The following DGKB variants were observed in gnomAD, a reference collection of about 807,000 sequenced individuals.
DGKB encodes 90 kDa diacylglycerol kinase.
A neutral mutation model predicts 114.3 loss-of-function variants in DGKB; 67 were observed. That is an observed-to-expected ratio of 0.59 (90% CI 0.48 to 0.72). DGKB has a LOEUF of 0.72. DGKB is among the 30% of genes least tolerant of loss of function. DGKB has a pLI of 0.00. For missense variants in DGKB, 907 were observed against 975.2 expected (o/e 0.93, Z 0.93); for synonymous variants, 398 against 323.1 (o/e 1.23, Z -2.49).
At chr7:14,312,263 C>T (rs1014809461) in intron 23 of DGKB, among the ~76,000 whole-genome samples, 4 of 152,184 alleles carry the variant, frequency 2.6e-5, no homozygotes, top group African/African-American at 9.7e-5. Flanking sequence ...TCCATTATAT[C>T]AGCAGTTCTG....
At chr7:14,918,821 T>C (rs780707106) in intron 1 of DGKB, among the ~76,000 whole-genome samples, 1 of 151,936 alleles carries the variant, frequency 6.6e-6, no homozygotes, top group African/African-American at 2.4e-5. Context: ...TCCCAGCACT[T>C]TGGGAGGCCG....
chr7:14,625,308 C>T (rs575224755), intron 14 of DGKB, among the ~76,000 whole-genome samples: 7 of 152,126 alleles, frequency 4.6e-5, no homozygotes, highest in Admixed American at 3.9e-4. Flanking sequence ...AACAGGAGAG[C>T]CTCATCACTA....
intron 23 of DGKB, among the ~76,000 whole-genome samples, chr7:14,316,348 G>T (rs1181875042): frequency 7.4e-6 from 1 of 134,950 alleles, no homozygotes; most frequent in Non-Finnish European, 1.6e-5. Flanking sequence ...TCCAGGAGCT[G>T]GTTTTTTGAA....
intron 1 of DGKB, among the ~76,000 whole-genome samples, chr7:14,871,345 G>A (rs900806476): frequency 6.6e-6 from 1 of 152,116 alleles, no homozygotes; most frequent in Non-Finnish European, 1.5e-5. Context: ...TAGGTCACCA[G>A]AACTCATTCC....
chr7:14,873,375 G>C (rs1443303722), intron 1 of DGKB, among the ~76,000 whole-genome samples: 1 of 151,924 alleles, frequency 6.6e-6, no homozygotes, highest in Non-Finnish European at 1.5e-5. Context: ...CTGTTTAATA[G>C]TACCATAACT....
At chr7:14,280,490 G>C (rs1799772822) in intron 23 of DGKB, among the ~76,000 whole-genome samples, 1 of 149,362 alleles carries the variant, frequency 6.7e-6, no homozygotes, top group Non-Finnish European at 1.5e-5. Flanking sequence ...CCAACATTCA[G>C]ATTCAGGAAA....
intron 23 of DGKB, among the ~76,000 whole-genome samples, chr7:14,325,965 A>G (rs1808634600): frequency 1.3e-5 from 2 of 152,124 alleles, no homozygotes; most frequent in Non-Finnish European, 2.9e-5. Context: ...AAATGTATTG[A>G]GCTGTAAAAA....
At chr7:14,780,916 A>G (rs1838990428) in intron 2 of DGKB, among the ~76,000 whole-genome samples, 1 of 152,206 alleles carries the variant, frequency 6.6e-6, no homozygotes, top group African/African-American at 2.4e-5. Context: ...AATAATACAT[A>G]GAAATGCATT....
intron 1 of DGKB, among the ~76,000 whole-genome samples, chr7:14,953,235 G>T (rs775939737): frequency 6.6e-6 from 1 of 151,974 alleles, no homozygotes; most frequent in Non-Finnish European, 1.5e-5. Flanking sequence ...AAAGTTCTGT[G>T]CTTCAAAGAA....
chr7:14,690,360 T>A (rs1478788079), intron 9 of DGKB, among the ~76,000 whole-genome samples: 2 of 152,214 alleles, frequency 1.3e-5, no homozygotes, highest in Non-Finnish European at 2.9e-5. Flanking sequence ...TCTGATCAAT[T>A]TGATGACGTT....
chr7:14,534,536 A>G (rs1229971825), intron 20 of DGKB, among the ~76,000 whole-genome samples: 1 of 152,104 alleles, frequency 6.6e-6, no homozygotes, highest in South Asian at 2.1e-4. Context: ...CAAAGAACCA[A>G]CTAGATGCTT....
intron 21 of DGKB, among the ~76,000 whole-genome samples, chr7:14,388,004 CA>C (rs1301283322): frequency 2.0e-5 from 3 of 151,512 alleles, no homozygotes; most frequent in Admixed American, 6.6e-5. Flanking sequence ...CTCAGCCTCC[CA>C]AGTAGCTGGG....
intron 2 of DGKB, among the ~76,000 whole-genome samples, chr7:14,801,817 C>G (rs1245594138): frequency 6.6e-6 from 1 of 151,732 alleles, no homozygotes; most frequent in Non-Finnish European, 1.5e-5. Flanking sequence ...TTCTCTCTCT[C>G]CCCCCGATAT....
At chr7:14,287,837 T>G (rs1801116812) in intron 23 of DGKB, among the ~76,000 whole-genome samples, 1 of 152,186 alleles carries the variant, frequency 6.6e-6, no homozygotes, top group Non-Finnish European at 1.5e-5. Context: ...TTTAACAATT[T>G]TAATTAATAG....
intron 1 of DGKB, among the ~76,000 whole-genome samples, chr7:14,852,326 C>A (rs2128160966): frequency 6.7e-6 from 1 of 149,740 alleles, no homozygotes; most frequent in South Asian, 2.1e-4. Context: ...TTTAATTTAC[C>A]ATTCTTACAT....
At chr7:14,293,617 C>A (rs1802096022) in intron 23 of DGKB, among the ~76,000 whole-genome samples, 1 of 152,038 alleles carries the variant, frequency 6.6e-6, no homozygotes, top group Non-Finnish European at 1.5e-5. Flanking sequence ...ATATGGTTTG[C>A]CCTTCCGGTA....
At chr7:14,678,537 GTAGAAGAGGAATAT>G (rs531930136) in intron 12 of DGKB, among the ~76,000 whole-genome samples, 14 of 152,124 alleles carry the variant, frequency 9.2e-5, no homozygotes, top group African/African-American at 2.9e-4. Context: ...GAGGGTGTGT[GTAGAAGAGGAATAT>G]TATATACAGT....
intron 20 of DGKB, among the ~76,000 whole-genome samples, chr7:14,509,627 C>G (rs1787668718): frequency 6.6e-6 from 1 of 152,242 alleles, no homozygotes; most frequent in Non-Finnish European, 1.5e-5. Context: ...CGGTTCCTCC[C>G]CCTCTCATCT....
At chr7:14,768,659 A>C (rs1836826120) in intron 2 of DGKB, among the ~76,000 whole-genome samples, 1 of 152,040 alleles carries the variant, frequency 6.6e-6, no homozygotes. Context: ...CAAGCTCTCT[A>C]AAAGTTTATG....
Sources: gnomAD v4.1 joint callset for allele counts (sites outside exome capture counted in the v4.1 genomes callset) on GRCh38, gnomAD v4.1.1 for gene constraint, MANE v1.5 for transcripts, NCBI Gene and HGNC (gene_info 2026-07-23, HGNC 2026-07-21) for gene names.